Variants in THSD4 observed in about 807,000 individuals in gnomAD.
THSD4 encodes the protein thrombospondin type-1 domain-containing protein 4.
THSD4 carries 69 observed loss-of-function variants against 119.0 expected under a neutral mutation model. The observed-to-expected ratio is 0.58, with a 90% CI of 0.48 to 0.71. The LOEUF (loss-of-function observed/expected upper bound fraction) is 0.71, where lower values mean the gene tolerates loss of function less well. THSD4 is among the 30% of genes least tolerant of loss of function. The probability of loss-of-function intolerance (pLI) is 0.00; values close to 1 mark genes in which losing one functional copy is unlikely to be tolerated. For missense variants in THSD4, 1,393 were observed against 1,391.1 expected, an observed-to-expected ratio of 1.00 and a Z score of -0.02; for synonymous variants, 524 against 540.4, an observed-to-expected ratio of 0.97 and a Z score of 0.42.
At chr15:71,315,854 G>A (rs1209144692) in intron 6 of THSD4, among the ~76,000 whole-genome samples, 1 of 152,130 alleles carries the variant, frequency 6.6e-6, no homozygotes, top group Non-Finnish European at 1.5e-5. Flanking sequence ...ATATCAGATT[G>A]TATTTCACCA....
chr15:71,331,597 C>T lies in THSD4; in HGVS notation c.1015+74882C>T, dbSNP rs559743057. Among the ~76,000 whole-genome samples the T allele has an allele frequency of 3.2e-4, 48 of 152,166 alleles. No homozygotes were observed. In the East Asian group the frequency reaches 7.9e-3, roughly 25 times the overall value. The stretch of plus-strand genomic sequence containing the variant: ...GTCTGGCCCCCAGAGCATGGTGGGC[C>T]GGGAGGAGGAACCCCTGATTTAGAT... On this transcript the variant is annotated intron_variant, in intron 6 of 17. Coordinates refer to ENST00000261862, the MANE Select transcript of THSD4 (RefSeq NM_024817.3).
At chr15:71,543,497 A>G (rs1254638325) in intron 7 of THSD4, among the ~76,000 whole-genome samples, 5 of 152,178 alleles carry the variant, frequency 3.3e-5, no homozygotes, top group Middle Eastern at 3.2e-3. Flanking sequence ...GATGGTTTGG[A>G]TGAAAAAGCG....
intron 6 of THSD4, among the ~76,000 whole-genome samples, chr15:71,295,017 T>C (rs2044843910): frequency 6.6e-6 from 1 of 151,110 alleles, no homozygotes; most frequent in Non-Finnish European, 1.5e-5. Context: ...GGTCCAAGAT[T>C]GGGGTGGGTG....
At chr15:71,457,329 G>A (rs1595786339) in intron 7 of THSD4, among the ~76,000 whole-genome samples, 1 of 137,974 alleles carries the variant, frequency 7.2e-6, no homozygotes, top group Non-Finnish European at 1.5e-5. Context: ...GCAGTGAGCT[G>A]AGATCACGCC....
At chr15:71,550,258 G>C (rs900512291) in intron 7 of THSD4, among the ~76,000 whole-genome samples, 4 of 152,208 alleles carry the variant, frequency 2.6e-5, no homozygotes, top group African/African-American at 9.7e-5. Context: ...GGCGGGGAAG[G>C]GGAGGTGGGA....
chr15:71,750,008 C>T (rs1470069323), intron 14 of THSD4, among the ~76,000 whole-genome samples: 1 of 152,220 alleles, frequency 6.6e-6, no homozygotes, highest in Non-Finnish European at 1.5e-5. Context: ...GAATTGTAGG[C>T]ATGAGCCACT....
chr15:71,229,663 G>C (rs1370412020), intron 4 of THSD4, among the ~76,000 whole-genome samples: 5 of 152,138 alleles, frequency 3.3e-5, no homozygotes, highest in African/African-American at 7.2e-5. Flanking sequence ...CAGAACTCAT[G>C]GATATGGCTG....
At chr15:71,659,957 T>G (rs143292648) in intron 7 of THSD4, among the ~76,000 whole-genome samples, 1 of 152,242 alleles carries the variant, frequency 6.6e-6, no homozygotes, top group Non-Finnish European at 1.5e-5. Flanking sequence ...TTCATCCTTC[T>G]GCTCTGGGAA....
At chr15:71,777,106 A>G (rs1283412375) in intron 17 of THSD4, 126 bp from the exon 18 acceptor site, 1 of 1,091,380 alleles carries the variant, frequency 9.2e-7, no homozygotes, top group Non-Finnish European at 1.4e-6. Flanking sequence ...GCACACATTC[A>G]TACCCCACAA....
intron 6 of THSD4, among the ~76,000 whole-genome samples, chr15:71,400,582 GCT>G (rs1026340771): frequency 5.3e-5 from 8 of 152,316 alleles, no homozygotes; most frequent in African/African-American, 1.9e-4. Flanking sequence ...CGCTGCTGTG[GCT>G]CTGACTGCTC....
At chr15:71,383,949 A>G (rs147140501) in intron 6 of THSD4, among the ~76,000 whole-genome samples, 122 of 152,294 alleles carry the variant, frequency 8.0e-4, no homozygotes, top group African/African-American at 2.6e-3. Context: ...TCCTGAACTA[A>G]TCCCCTGTGG....
chr15:71,235,375 C>T (rs1386556131), intron 4 of THSD4, among the ~76,000 whole-genome samples: 4 of 152,168 alleles, frequency 2.6e-5, no homozygotes, highest in Non-Finnish European at 2.9e-5. Context: ...GGACATTATT[C>T]ATTAGACATA....
At chr15:71,709,453 G>A (rs1287745527) in intron 8 of THSD4, among the ~76,000 whole-genome samples, 6 of 152,156 alleles carry the variant, frequency 3.9e-5, no homozygotes, top group South Asian at 2.1e-4. Context: ...GGGGCATCAC[G>A]GTTCTGCTCT....
intron 4 of THSD4, among the ~76,000 whole-genome samples, chr15:71,223,704 A>G (rs1393099747): frequency 1.3e-5 from 2 of 152,184 alleles, no homozygotes; most frequent in African/African-American, 4.8e-5. Flanking sequence ...TCTGATGAGG[A>G]AACAGCTCAG....
intron 1 of THSD4, among the ~76,000 whole-genome samples, chr15:71,131,257 G>C (rs181572822): frequency 1.6e-4 from 24 of 151,996 alleles, no homozygotes; most frequent in Non-Finnish European, 2.5e-4. Flanking sequence ...AATCACAATG[G>C]AAATAATTGA....
chr15:71,245,180 A>G (rs2140276883), intron 5 of THSD4, among the ~76,000 whole-genome samples: 1 of 152,284 alleles, frequency 6.6e-6, no homozygotes, highest in South Asian at 2.1e-4. Flanking sequence ...CCAAAGAAGT[A>G]CATGTTGACA....
intron 1 of THSD4, among the ~76,000 whole-genome samples, chr15:71,104,229 T>TA: frequency 8.1e-6 from 1 of 123,924 alleles, no homozygotes; most frequent in Admixed American, 9.7e-5. Context: ...CAAAGTTTCA[T>TA]AAAAAACAAA....
intron 8 of THSD4, among the ~76,000 whole-genome samples, chr15:71,691,498 G>C (rs1304284976): frequency 6.6e-6 from 1 of 152,202 alleles, no homozygotes; most frequent in South Asian, 2.1e-4. Flanking sequence ...ACGTTGGATC[G>C]AGGCAGAGCT....
At chr15:71,147,849 G>C (rs1196681952) in intron 2 of THSD4, 1 of 151,858 alleles carries the variant, frequency 6.6e-6, no homozygotes, top group Non-Finnish European at 1.5e-5. Flanking sequence ...ATACACCTGT[G>C]GTCCCAGCTA....
Sources: allele counts gnomAD v4.1 joint callset (sites outside exome capture counted in the v4.1 genomes callset), GRCh38; gene constraint gnomAD v4.1.1; transcripts MANE v1.5; gene names NCBI Gene and HGNC (gene_info 2026-07-23, HGNC 2026-07-21).